Variants in GALNT13 observed in about 807,000 individuals in gnomAD.
GALNT13 encodes polypeptide N-acetylgalactosaminyltransferase 13.
In GALNT13, 28 loss-of-function variants were observed where a neutral mutation model predicts 64.2. The ratio of observed to expected loss-of-function variants is 0.44; its 90% confidence interval spans 0.32 to 0.60. The LOEUF is 0.60. Among genes scored for constraint, GALNT13 ranks in the 20% least tolerant of loss-of-function variants. The probability of loss-of-function intolerance (pLI) is 0.05; values close to 1 mark genes in which losing one functional copy is unlikely to be tolerated. For synonymous variants in GALNT13, 214 were observed against 224.6 expected, an observed-to-expected ratio of 0.95 and a Z score of 0.42; for missense variants, 577 against 669.8, an observed-to-expected ratio of 0.86 and a Z score of 1.53.
chr2:153,346,450 G>A, the GALNT13 span, among the ~76,000 whole-genome samples: 11 of 152,090 alleles, frequency 7.2e-5, no homozygotes, highest in South Asian at 2.1e-4. Context: ...CTTTGAGGTC[G>A]AATACCCTAA....
intron 4 of GALNT13, among the ~76,000 whole-genome samples, chr2:154,162,308 A>G (rs577087961): frequency 6.6e-6 from 1 of 152,360 alleles, no homozygotes; most frequent in East Asian, 1.9e-4. Flanking sequence ...AAATAACATA[A>G]TAATTTTTTA....
chr2:153,260,310 A>G, the GALNT13 span, among the ~76,000 whole-genome samples: 1 of 152,140 alleles, frequency 6.6e-6, no homozygotes, highest in African/African-American at 2.4e-5. Context: ...CCTTCACATG[A>G]TTTCTTATTG....
At chr2:154,342,561 T>C (rs1695830975) in intron 9 of GALNT13, among the ~76,000 whole-genome samples, 1 of 149,116 alleles carries the variant, frequency 6.7e-6, no homozygotes, top group South Asian at 2.1e-4. Flanking sequence ...AAGTATATTA[T>C]ATCAAAATTC....
At chr2:153,489,380 A>G in the GALNT13 span, among the ~76,000 whole-genome samples, 2 of 152,222 alleles carry the variant, frequency 1.3e-5, no homozygotes, top group Admixed American at 6.5e-5. Context: ...TCATTATAGT[A>G]GCACAAAAGA....
chr2:153,567,927 T>A, the GALNT13 span, among the ~76,000 whole-genome samples: 1 of 152,214 alleles, frequency 6.6e-6, no homozygotes. Flanking sequence ...AGCACGTACA[T>A]TAAGCTTACT....
chr2:153,208,662 T>C, the GALNT13 span, among the ~76,000 whole-genome samples: 9,347 of 152,258 alleles, frequency 0.061, 365 homozygotes, highest in South Asian at 0.1. Context: ...CTTAAGTATA[T>C]ACCTAAGAGG....
At chr2:153,605,721 C>T in the GALNT13 span, among the ~76,000 whole-genome samples, 1 of 152,082 alleles carries the variant, frequency 6.6e-6, no homozygotes, top group Non-Finnish European at 1.5e-5. Flanking sequence ...TCACTTCTTT[C>T]CACACATGTA....
intron 12 of GALNT13, among the ~76,000 whole-genome samples, chr2:154,440,124 A>G (rs368724123): frequency 6.6e-6 from 1 of 152,184 alleles, no homozygotes; most frequent in East Asian, 1.9e-4. Flanking sequence ...TTGTTTTTAA[A>G]TAAAACTTGT....
the GALNT13 span, among the ~76,000 whole-genome samples, chr2:153,739,583 A>C: frequency 3.5e-5 from 4 of 112,852 alleles, no homozygotes; most frequent in African/African-American, 1.0e-4. Flanking sequence ...TTTATTCATT[A>C]TTTTATTTAT....
chr2:153,491,015 C>T, the GALNT13 span, among the ~76,000 whole-genome samples: 8 of 150,694 alleles, frequency 5.3e-5, no homozygotes, highest in East Asian at 2.0e-4. Flanking sequence ...CTGATAGTAT[C>T]GATATAATTT....
At chr2:154,001,503 C>G (rs1431818933) in intron 3 of GALNT13, among the ~76,000 whole-genome samples, 2 of 151,920 alleles carry the variant, frequency 1.3e-5, no homozygotes, top group Non-Finnish European at 2.9e-5. Flanking sequence ...TCATTTTAAG[C>G]TGATACCATC....
the GALNT13 span, among the ~76,000 whole-genome samples, chr2:153,566,348 G>GTTTTTTTTTTTTTT: frequency 1.6e-3 from 123 of 74,794 alleles, 7 homozygotes; most frequent in East Asian, 5.9e-3. Context: ...TTCTAATCAC[G>GTTTTTTTTTTTTTT]TTTTTTTTTT....
the GALNT13 span, among the ~76,000 whole-genome samples, chr2:153,831,737 C>T: frequency 6.6e-6 from 1 of 152,088 alleles, no homozygotes; most frequent in African/African-American, 2.4e-5. Context: ...TTTGAGTCAC[C>T]CAGTTGGCAG....
At chr2:154,170,803 A>C (rs1034629443) in intron 4 of GALNT13, among the ~76,000 whole-genome samples, 1 of 152,230 alleles carries the variant, frequency 6.6e-6, no homozygotes. Context: ...AGTAAATATT[A>C]AAATGTCCCT....
At chr2:153,290,712 C>A in the GALNT13 span, among the ~76,000 whole-genome samples, 13 of 152,148 alleles carry the variant, frequency 8.5e-5, no homozygotes, top group Admixed American at 2.0e-4. Context: ...TACATATTAT[C>A]CCCCTATGTC....
chr2:153,728,500 A>G, the GALNT13 span, among the ~76,000 whole-genome samples: 1 of 152,210 alleles, frequency 6.6e-6, no homozygotes, highest in African/African-American at 2.4e-5. Flanking sequence ...AAACAGTGTT[A>G]GGAGGGAAAT....
At chr2:153,786,951 C>G in the GALNT13 span, among the ~76,000 whole-genome samples, 52 of 152,254 alleles carry the variant, frequency 3.4e-4, no homozygotes, top group African/African-American at 1.2e-3. Flanking sequence ...CTCGGGTCCA[C>G]AGCACAGGAC....
At chr2:153,490,788 C>T in the GALNT13 span, among the ~76,000 whole-genome samples, 36 of 151,868 alleles carry the variant, frequency 2.4e-4, 1 homozygote, top group South Asian at 3.7e-3. Flanking sequence ...GGTGAAACCC[C>T]ATCTCTATTA....
the GALNT13 span, among the ~76,000 whole-genome samples, chr2:153,754,349 C>G: frequency 1.3e-5 from 2 of 151,184 alleles, no homozygotes; most frequent in African/African-American, 4.9e-5. Flanking sequence ...CAATGTAGTA[C>G]CTGGGTATAT....
Sources: gnomAD v4.1 joint callset for allele counts (sites outside exome capture counted in the v4.1 genomes callset) on GRCh38, gnomAD v4.1.1 for gene constraint, MANE v1.5 for transcripts, NCBI Gene and HGNC (gene_info 2026-07-23, HGNC 2026-07-21) for gene names.